The following CADPS2 variants were observed in gnomAD, a reference collection of about 807,000 sequenced individuals.
CADPS2 encodes the protein calcium dependent secretion activator 2, also known as calcium-dependent secretion activator 2.
A neutral mutation model predicts 172.5 loss-of-function variants in CADPS2; 93 were observed. That is an observed-to-expected ratio of 0.54 (90% CI 0.46 to 0.64). The LOEUF is 0.64. Ranked by LOEUF, CADPS2 falls within the 30% of genes least tolerant of loss-of-function variation. The pLI is 0.00. For synonymous variants in CADPS2, 546 were observed against 555.2 expected (o/e 0.98, Z 0.23); for missense variants, 1,420 against 1,565.9 (o/e 0.91, Z 1.57).
At chr7:122,615,335 T>C (rs752661038) in intron 5 of CADPS2, 36 bp from the exon 6 acceptor site, 20 of 1,333,824 alleles carry the variant, frequency 1.5e-5, no homozygotes, top group Non-Finnish European at 3.1e-6. Context: ...ATGCATCAAG[T>C]TGATAACATT....
chr7:122,369,292 G>A (rs768788025), intron 25 of CADPS2, among the ~76,000 whole-genome samples: 4 of 151,694 alleles, frequency 2.6e-5, no homozygotes, highest in African/African-American at 4.8e-5. Flanking sequence ...CACCATGCCC[G>A]GCTAATTTTT....
chr7:122,780,427 A>T (rs1792382657), intron 1 of CADPS2, among the ~76,000 whole-genome samples: 1 of 151,732 alleles, frequency 6.6e-6, no homozygotes, highest in Non-Finnish European at 1.5e-5. Flanking sequence ...AATCACAGCT[A>T]CTGTTTTTAA....
At chr7:122,528,226 T>C (rs1392713278) in intron 8 of CADPS2, among the ~76,000 whole-genome samples, 3 of 152,030 alleles carry the variant, frequency 2.0e-5, no homozygotes, top group African/African-American at 7.2e-5. Flanking sequence ...AGGATGGTAA[T>C]AAACTTTTCA....
At chr7:122,749,640 G>C (rs1243028223) in intron 1 of CADPS2, among the ~76,000 whole-genome samples, 1 of 151,710 alleles carries the variant, frequency 6.6e-6, no homozygotes, top group African/African-American at 2.4e-5. Flanking sequence ...AAAATGCAAG[G>C]ATCTTATTAC....
At chr7:122,691,604 C>T (rs1564077174) in intron 2 of CADPS2, among the ~76,000 whole-genome samples, 1 of 152,226 alleles carries the variant, frequency 6.6e-6, no homozygotes, top group Admixed American at 6.5e-5. Context: ...TCAACAAGAT[C>T]ATGACATATG....
chr7:122,835,184 A>T (rs1807971047), intron 1 of CADPS2, among the ~76,000 whole-genome samples: 1 of 152,230 alleles, frequency 6.6e-6, no homozygotes, highest in Admixed American at 6.5e-5. Flanking sequence ...GGTCTGGAGT[A>T]GACCTTCCAC....
chr7:122,804,596 T>C (rs957404908), intron 1 of CADPS2, among the ~76,000 whole-genome samples: 5 of 152,188 alleles, frequency 3.3e-5, no homozygotes, highest in Admixed American at 3.3e-4. Context: ...AAGAAAAAGA[T>C]GCGAAATTTA....
At chr7:122,843,741 G>A (rs956349193) in intron 1 of CADPS2, among the ~76,000 whole-genome samples, 2 of 152,164 alleles carry the variant, frequency 1.3e-5, no homozygotes, top group Non-Finnish European at 2.9e-5. Flanking sequence ...TAGAAAAAAG[G>A]AGAGCTGACT....
chr7:122,353,174 T>C (rs2151057796), intron 27 of CADPS2, among the ~76,000 whole-genome samples: 1 of 151,876 alleles, frequency 6.6e-6, no homozygotes, highest in East Asian at 1.9e-4. Flanking sequence ...ACTGCATGGG[T>C]GGGAAAATGG....
At chr7:122,659,513 AT>A (rs2080273691) in intron 3 of CADPS2, among the ~76,000 whole-genome samples, 1 of 152,158 alleles carries the variant, frequency 6.6e-6, no homozygotes, top group African/African-American at 2.4e-5. Flanking sequence ...TAACAGAAAC[AT>A]GGGTGACATA....
At chr7:122,557,237 C>A (rs1213038607) in intron 7 of CADPS2, among the ~76,000 whole-genome samples, 1 of 152,102 alleles carries the variant, frequency 6.6e-6, no homozygotes, top group East Asian at 1.9e-4. Context: ...CTCCTTTATC[C>A]AATTTCGCCA....
intron 1 of CADPS2, among the ~76,000 whole-genome samples, chr7:122,815,637 A>C (rs2140246678): frequency 6.6e-6 from 1 of 152,230 alleles, no homozygotes; most frequent in African/African-American, 2.4e-5. Context: ...TTCAAAATAT[A>C]TTGCAGCGAA....
intron 1 of CADPS2, among the ~76,000 whole-genome samples, chr7:122,880,478 C>A (rs1822604153): frequency 6.6e-6 from 1 of 152,178 alleles, no homozygotes; most frequent in Non-Finnish European, 1.5e-5. Context: ...CCTTTTCCTG[C>A]ACATGGAATA....
chr7:122,514,304 G>A (rs938742449), intron 8 of CADPS2, among the ~76,000 whole-genome samples: 8 of 151,950 alleles, frequency 5.3e-5, no homozygotes, highest in Admixed American at 2.0e-4. Flanking sequence ...CTGTTCAAAC[G>A]AAATTTATAT....
At chr7:122,656,391 C>T (rs2079796822) in intron 3 of CADPS2, among the ~76,000 whole-genome samples, 1 of 152,030 alleles carries the variant, frequency 6.6e-6, no homozygotes, top group South Asian at 2.1e-4. Context: ...GAATACCACC[C>T]CACTCCAGCC....
intron 1 of CADPS2, among the ~76,000 whole-genome samples, chr7:122,837,476 C>G (rs1374444607): frequency 2.6e-5 from 4 of 152,072 alleles, no homozygotes; most frequent in African/African-American, 9.7e-5. Flanking sequence ...TTCCAAAAAT[C>G]AGTGAATCCA....
intron 14 of CADPS2, among the ~76,000 whole-genome samples, chr7:122,461,732 C>T (rs1339773125): frequency 1.7e-4 from 26 of 152,052 alleles, no homozygotes; most frequent in African/African-American, 6.0e-4. Flanking sequence ...GTAGCTGGGA[C>T]GACAGGTGCG....
At chr7:122,658,625 T>C (rs1053846672) in intron 3 of CADPS2, among the ~76,000 whole-genome samples, 2 of 152,158 alleles carry the variant, frequency 1.3e-5, no homozygotes, top group Admixed American at 6.5e-5. Flanking sequence ...CTCAGCAAAC[T>C]ATCGCAAGGA....
chr7:122,494,782 T>G (rs2058599438), intron 9 of CADPS2, among the ~76,000 whole-genome samples: 1 of 152,054 alleles, frequency 6.6e-6, no homozygotes, highest in Admixed American at 6.6e-5. Context: ...CTACACTAAA[T>G]TTTCCTTGTG....
Sources: gnomAD v4.1 joint callset for allele counts (sites outside exome capture counted in the v4.1 genomes callset) on GRCh38, gnomAD v4.1.1 for gene constraint, MANE v1.5 for transcripts, NCBI Gene and HGNC (gene_info 2026-07-23, HGNC 2026-07-21) for gene names.